The following MARCHF1 variants were observed in gnomAD, a reference collection of about 807,000 sequenced individuals.
MARCHF1 encodes the protein E3 ubiquitin-protein ligase MARCHF1.
In MARCHF1, 40 loss-of-function variants were observed where a neutral mutation model predicts 54.2. The ratio of observed to expected loss-of-function variants is 0.74; its 90% CI spans 0.57 to 0.96. The LOEUF is 0.96. Among genes scored for constraint, MARCHF1 ranks in the 40% least tolerant of loss-of-function variants. The pLI, the probability that MARCHF1 is intolerant of heterozygous loss-of-function variation, is 0.00. For synonymous variants in MARCHF1, 236 were observed against 236.3 expected (o/e 1.00, Z 0.01); for missense variants, 586 against 656.5 (o/e 0.89, Z 1.17).
chr4:164,258,092 G>C (rs1241036550), intron 1 of MARCHF1, among the ~76,000 whole-genome samples: 2 of 152,074 alleles, frequency 1.3e-5, no homozygotes, highest in East Asian at 1.9e-4. Context: ...ATGAGTTCAT[G>C]TCCTTTGCAG....
At chr4:164,351,069 G>A (rs925468866) in intron 1 of MARCHF1, among the ~76,000 whole-genome samples, 11 of 152,186 alleles carry the variant, frequency 7.2e-5, no homozygotes, top group Non-Finnish European at 7.3e-5. Flanking sequence ...TTAAAAAACG[G>A]CGCACCACAA....
chr4:164,251,081 T>A (rs1342148012), intron 1 of MARCHF1, among the ~76,000 whole-genome samples: 1 of 152,180 alleles, frequency 6.6e-6, no homozygotes, highest in Non-Finnish European at 1.5e-5. Context: ...TGATTTAACA[T>A]ACATGATCAT....
chr4:164,358,074 G>A (rs1578896241), intron 1 of MARCHF1, among the ~76,000 whole-genome samples: 1 of 152,086 alleles, frequency 6.6e-6, no homozygotes, highest in Non-Finnish European at 1.5e-5. Context: ...TCTTGAGGAA[G>A]GTGAGAAAAT....
chr4:164,122,065 C>A (rs1053247160), intron 1 of MARCHF1, among the ~76,000 whole-genome samples: 9 of 152,018 alleles, frequency 5.9e-5, no homozygotes, highest in Admixed American at 5.9e-4. Context: ...ATGTGATACA[C>A]CATGCCAACA....
intron 3 of MARCHF1, among the ~76,000 whole-genome samples, chr4:163,985,961 T>C (rs1752853830): frequency 6.6e-6 from 1 of 152,166 alleles, no homozygotes; most frequent in South Asian, 2.1e-4. Context: ...CTTCTTGCTG[T>C]CCAAAACACA....
intron 4 of MARCHF1, among the ~76,000 whole-genome samples, chr4:163,730,046 C>T (rs1010033884): frequency 6.6e-6 from 1 of 151,894 alleles, no homozygotes; most frequent in Non-Finnish European, 1.5e-5. Context: ...TTGATGGTGT[C>T]CCAGTTATCC....
Position 164,122,871 on chromosome 4 carries a change from C to T in MARCHF1, c.-322-11209G>A, listed in dbSNP as rs527428892. 2.0e-5 allele frequency among the ~76,000 whole-genome samples: 3 copies of T among 152,174 alleles called. No individual in the cohort carries two copies. The East Asian group carries it at 5.8e-4, about 29-fold the overall frequency. On this transcript the variant is annotated intron_variant, in intron 1 of 9. Coordinates refer to ENST00000514618, the MANE Select transcript of MARCHF1 (RefSeq NM_001394959.1). ...AAAGCCTTTCCTCTAACATCTGGAA[C>T]ACGACAAGGATGCCCACTATCACCA...
intron 3 of MARCHF1, among the ~76,000 whole-genome samples, chr4:163,864,921 A>C (rs1750016950): frequency 6.6e-6 from 1 of 151,902 alleles, no homozygotes; most frequent in African/African-American, 2.4e-5. Flanking sequence ...CCTTCTTAAG[A>C]AAAATAACTA....
At chr4:164,276,513 G>T (rs1451615162) in intron 1 of MARCHF1, among the ~76,000 whole-genome samples, 1 of 151,472 alleles carries the variant, frequency 6.6e-6, no homozygotes, top group East Asian at 2.0e-4. Flanking sequence ...CACACTATAT[G>T]TGGACATGTA....
chr4:163,798,630 T>C (rs1419945500), intron 4 of MARCHF1, among the ~76,000 whole-genome samples: 2 of 152,090 alleles, frequency 1.3e-5, no homozygotes, highest in Admixed American at 6.6e-5. Context: ...GAAGTAATTG[T>C]TGAGTAGCCC....
intron 1 of MARCHF1, among the ~76,000 whole-genome samples, chr4:164,244,242 A>T (rs1377219896): frequency 3.3e-5 from 5 of 151,972 alleles, no homozygotes; most frequent in Non-Finnish European, 5.9e-5. Context: ...AAGAACAGAA[A>T]TTATAACAAA....
At chr4:164,140,383 AG>A in intron 1 of MARCHF1, among the ~76,000 whole-genome samples, 1 of 152,064 alleles carries the variant, frequency 6.6e-6, no homozygotes, top group African/African-American at 2.4e-5. Flanking sequence ...TTTCTTTCTC[AG>A]GAAACCAACC....
chr4:164,075,668 G>C (rs1754961948), intron 2 of MARCHF1, among the ~76,000 whole-genome samples: 1 of 152,234 alleles, frequency 6.6e-6, no homozygotes, highest in Non-Finnish European at 1.5e-5. Context: ...AGTTGAAACT[G>C]TGATGTTAAT....
intron 1 of MARCHF1, among the ~76,000 whole-genome samples, chr4:164,373,037 G>T (rs529624558): frequency 6.6e-6 from 1 of 152,162 alleles, no homozygotes; most frequent in Non-Finnish European, 1.5e-5. Context: ...CCATGCCTGA[G>T]AATTTAAAGA....
intron 5 of MARCHF1, among the ~76,000 whole-genome samples, chr4:163,677,938 AC>A (rs1561013612): frequency 1.3e-5 from 2 of 152,246 alleles, no homozygotes; most frequent in African/African-American, 2.4e-5. Context: ...TTTCTTAACA[AC>A]TTAGCAAGGT....
chr4:164,129,582 T>C (rs1050061493), intron 1 of MARCHF1, among the ~76,000 whole-genome samples: 10 of 152,178 alleles, frequency 6.6e-5, no homozygotes, highest in African/African-American at 2.4e-4. Context: ...CATTTCAAGC[T>C]ATATATATTA....
intron 2 of MARCHF1, among the ~76,000 whole-genome samples, chr4:164,040,367 TTACA>T (rs1754101991): frequency 7.3e-6 from 1 of 136,748 alleles, no homozygotes; most frequent in African/African-American, 2.8e-5. Flanking sequence ...TATTAAATAC[TTACA>T]TATTCTATAT....
intron 2 of MARCHF1, among the ~76,000 whole-genome samples, chr4:164,089,627 C>A (rs1579523806): frequency 6.6e-6 from 1 of 151,914 alleles, no homozygotes; most frequent in Admixed American, 6.6e-5. Context: ...ACTTAAAGGA[C>A]CTTAAATCTA....
intron 7 of MARCHF1, among the ~76,000 whole-genome samples, chr4:163,590,176 C>A (rs1259189357): frequency 6.6e-6 from 1 of 150,814 alleles, no homozygotes; most frequent in Non-Finnish European, 1.5e-5. Context: ...GTGCTCCCTG[C>A]CCCCATCCTT....
Sources: allele counts gnomAD v4.1 joint callset (sites outside exome capture counted in the v4.1 genomes callset), GRCh38; gene constraint gnomAD v4.1.1; transcripts MANE v1.5; gene names NCBI Gene and HGNC (gene_info 2026-07-23, HGNC 2026-07-21).